GATAD2A: variants seen among roughly 807,000 people sequenced by gnomAD.
GATAD2A encodes GATA zinc finger domain containing 2A.
A neutral mutation model predicts 68.5 loss-of-function variants in GATAD2A; 12 were observed. The observed-to-expected ratio is 0.18, with a 90% CI of 0.11 to 0.28. The LOEUF (loss-of-function observed/expected upper bound fraction) is 0.28. Among genes scored for constraint, GATAD2A ranks in the 10% least tolerant of loss-of-function variants. The pLI, the probability that GATAD2A is intolerant of heterozygous loss-of-function variation, is 1.00. For missense variants in GATAD2A, 755 were observed against 868.5 expected, an observed-to-expected ratio of 0.87 and a Z score of 1.64; for synonymous variants, 410 against 375.3, an observed-to-expected ratio of 1.09 and a Z score of -1.07.
upstream of GATAD2A, among the ~76,000 whole-genome samples, chr19:19,405,222 G>C (rs1180403554): frequency 6.6e-6 from 1 of 152,120 alleles, no homozygotes; most frequent in Admixed American, 6.5e-5. Flanking sequence ...TCGTTCAGCC[G>C]ATCCACACCC....
At position 19,502,475 on chromosome 19, in the gene GATAD2A, G is replaced by A. The variant is rs116676388; in HGVS notation, c.1723G>A (p.Ala575Thr). The change falls in exon 11 of 12, where the codon GCC (alanine) becomes ACC (threonine). Residue 575 changes from alanine to threonine, a missense_variant. By Grantham distance (58) the Ala-to-Thr change is moderately conservative (BLOSUM62 0). Coordinates refer to ENST00000683918, the MANE Select transcript of GATAD2A (RefSeq NM_001384528.1). Reference sequence around the variant, plus strand: ...CAGACATTCTGAGAGAACCGTGAGCGCCGGCAAGGGCAGCGCCACCTCCAA... The same window carrying A: ...CAGACATTCTGAGAGAACCGTGAGCACCGGCAAGGGCAGCGCCACCTCCAA... ...TGRHSERTVS[A>T]GKGSATSNWK... 1.4e-3 allele frequency: 2,235 copies of A among 1,613,480 alleles called. 29 individuals carry two copies. The East Asian group carries it at 0.022, about 16-fold the overall frequency.
intron 10 of GATAD2A, 63 bp downstream of exon 10, chr19:19,502,106 C>A: frequency 8.2e-7 from 1 of 1,220,426 alleles, no homozygotes; most frequent in South Asian, 1.2e-5. Context: ...CCACGTCAGT[C>A]GCCGACTGTC....
chr19:19,408,273 C>T (rs2050519560), intron 1 of GATAD2A, among the ~76,000 whole-genome samples: 2 of 152,320 alleles, frequency 1.3e-5, no homozygotes, highest in Middle Eastern at 3.4e-3. Context: ...GCGTGAGCCA[C>T]CACGCCTGGC....
intron 2 of GATAD2A, 22 bp from the exon 3 acceptor site, chr19:19,492,284 C>A: frequency 1.3e-6 from 2 of 1,592,212 alleles, no homozygotes; most frequent in Non-Finnish European, 1.7e-6. Flanking sequence ...GCGCTCTGGT[C>A]ACTACTGTCT....
rs1040593143 is a variant in GATAD2A, at chr19:19,469,306, C to T, written c.269+3692C>T. The stretch of plus-strand genomic sequence containing the variant: ...AATTAGCCTGGCATGGTGGTGGGCA[C>T]CTGTAGTCCCAGCTACTTGGGAGGC... On this transcript the variant is annotated intron_variant, in intron 2 of 11. Coordinates refer to ENST00000683918, the MANE Select transcript of GATAD2A (RefSeq NM_001384528.1). Among the ~76,000 whole-genome samples, 8 of 151,634 alleles carry T rather than the reference C, an allele frequency of 5.3e-5. 1 individual carries two copies. Among genetic ancestry groups the T allele is most frequent in the Non-Finnish European group, 1.2e-4 (8 of 67,956 alleles).
intron 8 of GATAD2A, among the ~76,000 whole-genome samples, chr19:19,499,918 G>A (rs1357935121): frequency 6.6e-6 from 1 of 152,202 alleles, no homozygotes; most frequent in East Asian, 1.9e-4. Flanking sequence ...GACACAGCCC[G>A]GCTGGTGCCT....
intron 1 of GATAD2A, among the ~76,000 whole-genome samples, chr19:19,389,744 G>A (rs1379081547): frequency 6.6e-6 from 1 of 152,132 alleles, no homozygotes; most frequent in South Asian, 2.1e-4. Context: ...GGGTAGAGAA[G>A]TGCCTGCACG....
At chr19:19,471,459 C>T (rs376081128) in intron 2 of GATAD2A, among the ~76,000 whole-genome samples, 2 of 151,948 alleles carry the variant, frequency 1.3e-5, no homozygotes, top group African/African-American at 4.8e-5. Context: ...GCATGTCCCC[C>T]CAAAAAGCAA....
intron 1 of GATAD2A, among the ~76,000 whole-genome samples, chr19:19,445,116 A>G (rs976383550): frequency 6.6e-6 from 1 of 152,032 alleles, no homozygotes; most frequent in Non-Finnish European, 1.5e-5. Context: ...CTGAGTTCCC[A>G]TGTGTACAGT....
intron 2 of GATAD2A, among the ~76,000 whole-genome samples, chr19:19,482,079 C>T (rs1030346555): frequency 6.6e-6 from 1 of 151,858 alleles, no homozygotes; most frequent in Non-Finnish European, 1.5e-5. Flanking sequence ...TGCACTCCAG[C>T]CTGGTTTACA....
intron 4 of GATAD2A, among the ~76,000 whole-genome samples, chr19:19,493,611 T>C (rs572171839): frequency 6.4e-4 from 97 of 152,284 alleles, no homozygotes; most frequent in African/African-American, 2.1e-3. Flanking sequence ...CCAAGTACTT[T>C]AGTCATTGCC....
In GATAD2A at chr19:19,505,524, C is replaced by T; in HGVS notation, c.*50C>T. 1 of 1,522,256 alleles carries T rather than the reference C, an allele frequency of 6.6e-7. No homozygotes were observed. The allele number at this position is 1,522,256 out of a possible 1,614,324, so 94.3% of individuals were successfully genotyped here. ...GGGCTCCCTCCTCCCCCACCTGGCC[C>T]CTGGTCTAGAAGGACCCACTGCACC... On this transcript the variant is annotated 3_prime_UTR_variant, in exon 12 of 12. Coordinates refer to ENST00000683918, the MANE Select transcript of GATAD2A (RefSeq NM_001384528.1).
intron 1 of GATAD2A, among the ~76,000 whole-genome samples, chr19:19,462,118 C>G (rs1031955701): frequency 3.9e-5 from 6 of 152,242 alleles, no homozygotes; most frequent in Non-Finnish European, 8.8e-5. Context: ...AATGTACCCC[C>G]CACTGCTCTT....
intron 1 of GATAD2A, among the ~76,000 whole-genome samples, chr19:19,406,483 C>G (rs2050278707): frequency 6.6e-6 from 1 of 151,702 alleles, no homozygotes; most frequent in Non-Finnish European, 1.5e-5. Context: ...GCGGCGGATC[C>G]CGTGTCAGAA....
Position 19,492,306 on chromosome 19 carries a change from T to C in GATAD2A, c.270T>C (p.Ser90=), listed in dbSNP as rs545460363. ...DGPVDMRTSH[S]DMKSERRPPS... The stretch of plus-strand genomic sequence containing the variant: ...GGTCACTACTGTCTCCACCCCACAG[T>C]GACATGAAGTCCGAGAGGAGACCCC... The change falls in exon 3 of 12, where the codon AGT becomes AGC. Residue 90 remains serine, a splice_region_variant and synonymous_variant. Transcript: ENST00000683918. 9.4e-6 allele frequency: 15 copies of C among 1,600,718 alleles called. No homozygotes were observed. In the Admixed American group the frequency reaches 1.5e-4, roughly 17 times the overall value.
Position 19,505,723 on chromosome 19 carries a change from C to A in GATAD2A, c.*249C>A. On this transcript the variant is annotated 3_prime_UTR_variant, in exon 12 of 12. Coordinates refer to ENST00000683918, the MANE Select transcript of GATAD2A (RefSeq NM_001384528.1). ...GGGGACCTTTCCCGTGGGCTTTCTT[C>A]CTTTCTCTCTTTGCCTTTAGTTTGC... 1 of 473,966 alleles carries A rather than the reference C, an allele frequency of 2.1e-6. No individual in the cohort carries two copies. Among genetic ancestry groups the A allele is most frequent in the Non-Finnish European group, 3.7e-6 (1 of 271,660 alleles). The allele number at this position is 473,966 out of a possible 1,614,324, so 29.4% of individuals were successfully genotyped here.
At chr19:19,442,973 C>T (rs919916067) in intron 1 of GATAD2A, among the ~76,000 whole-genome samples, 6 of 152,014 alleles carry the variant, frequency 3.9e-5, no homozygotes, top group African/African-American at 1.2e-4. Flanking sequence ...AAGGTTCCCT[C>T]GCATGGCAGT....
rs147832919 is a variant in GATAD2A at position 19,435,972 on chromosome 19, C to T, written c.-6-29368C>T. ...TCAGAGATCAGTAGAAATTTGTTTC[C>T]TCCGACTGTCCCCATTGTGGAAGGT... On this transcript the variant is annotated intron_variant, in intron 1 of 11. Coordinates refer to ENST00000683918, the MANE Select transcript of GATAD2A (RefSeq NM_001384528.1). 6.2e-4 allele frequency among the ~76,000 whole-genome samples: 94 copies of T among 152,296 alleles called. 1 individual carries two copies. Among genetic ancestry groups the T allele is most frequent in the African/African-American group, 2.1e-3 (88 of 41,562 alleles).
rs191296635 is a variant in GATAD2A, at chr19:19,397,779, C to T, written c.-7+11641C>T. 4.0e-3 allele frequency among the ~76,000 whole-genome samples: 610 copies of T among 152,318 alleles called. 1 individual carries two copies. Among genetic ancestry groups the T allele is most frequent in the Non-Finnish European group, 6.3e-3 (426 of 68,030 alleles). On this transcript the variant is annotated intron_variant, in intron 1 of 11. Coordinates refer to the GATAD2A transcript ENST00000360315. ...ACAGAGTCGCACTCCGTTGCCCAGG[C>T]TGGAGTACACTGGCATTACTGCAGC...
Sources: gnomAD v4.1 joint callset for allele counts (sites outside exome capture counted in the v4.1 genomes callset) on GRCh38, gnomAD v4.1.1 for gene constraint, MANE v1.5 for transcripts, NCBI Gene and HGNC (gene_info 2026-07-23, HGNC 2026-07-21) for gene names.